GOLPH3: variants seen among roughly 807,000 people sequenced by gnomAD.
GOLPH3 encodes golgi phosphoprotein 3.
A neutral mutation model predicts 28.5 loss-of-function variants in GOLPH3; 14 were observed. The ratio of observed to expected loss-of-function variants is 0.49; its 90% confidence interval spans 0.32 to 0.77. The LOEUF (loss-of-function observed/expected upper bound fraction) is 0.77, where lower values mean the gene tolerates loss of function less well. GOLPH3 is among the 30% of genes least tolerant of loss of function. The pLI is 0.03. For missense variants in GOLPH3, 350 were observed against 393.7 expected (o/e 0.89, Z 0.94); for synonymous variants, 158 against 159.2 (o/e 0.99, Z 0.06).
intron 1 of GOLPH3, 134 bp downstream of exon 1, chr5:32,173,676 A>T: frequency 3.7e-6 from 2 of 544,682 alleles, no homozygotes; most frequent in Non-Finnish European, 5.5e-6. Context: ...GCTGGGCGCC[A>T]CCAGGCGCGG....
At chr5:32,159,061 T>C (rs1328263657) in intron 1 of GOLPH3, among the ~76,000 whole-genome samples, 4 of 152,186 alleles carry the variant, frequency 2.6e-5, no homozygotes. Context: ...GGGAATGAAA[T>C]TGGTCTGCCT....
At chr5:32,134,901 A>C (rs1369050211) in intron 3 of GOLPH3, 1 of 152,190 alleles carries the variant, frequency 6.6e-6, no homozygotes, top group Non-Finnish European at 1.5e-5. Flanking sequence ...AATTCTGCTT[A>C]TCTGTAAGAA....
At chr5:32,152,481 C>T (rs62361289) in intron 1 of GOLPH3, among the ~76,000 whole-genome samples, 74,485 of 140,680 alleles carry the variant, frequency 0.53, 21,401 homozygotes, top group Non-Finnish European at 0.63. Context: ...CCTATCAGAC[C>T]GGCAAAAATC....
chr5:32,173,688 C>A, intron 1 of GOLPH3, 122 bp downstream of exon 1: 1 of 641,552 alleles, frequency 1.6e-6, no homozygotes, highest in Non-Finnish European at 2.2e-6. Context: ...CAGGCGCGGA[C>A]TTCGGAGCGA....
At chr5:32,142,421 C>T (rs283130) in intron 2 of GOLPH3, among the ~76,000 whole-genome samples, 24,358 of 141,986 alleles carry the variant, frequency 0.17, 4,648 homozygotes, top group African/African-American at 0.48. Context: ...CCACCCCGTC[C>T]GGGAAGTGAG....
In GOLPH3 at chr5:32,174,316, A is replaced by C; in HGVS notation, c.-282T>G. On this transcript the variant is annotated 5_prime_UTR_variant, in exon 1 of 4. Transcript: ENST00000265070. ...CGGAGGCGGCGGCGGCGCCTTTCCAATATGGCGGCCCCGGCTGACGTCACC... is the reference window on the plus strand; with the variant it reads ...CGGAGGCGGCGGCGGCGCCTTTCCACTATGGCGGCCCCGGCTGACGTCACC... The C allele has an allele frequency of 2.7e-5, 8 of 293,868 alleles. No individual in the cohort carries two copies. Among genetic ancestry groups the C allele is most frequent in the African/African-American group, 4.4e-5 (2 of 45,762 alleles). 18.2% of individuals were successfully genotyped at this position (293,868 alleles called of 1,614,324 possible). A position where few individuals can be genotyped will look rare whatever the true frequency, so the allele number is the denominator to read the frequency against.
Position 32,142,473 on chromosome 5 carries a change from G to A in GOLPH3, c.357+1276C>T, listed in dbSNP as rs1201409063. Among the ~76,000 whole-genome samples, 9 of 149,074 alleles carry A rather than the reference G, an allele frequency of 6.0e-5. No individual in the cohort carries two copies. In the East Asian group the frequency reaches 1.2e-3, roughly 20 times the overall value. On this transcript the variant is annotated intron_variant, in intron 2 of 3. Transcript: ENST00000265070. ...CAGCCACCTCGTCCGGGAGGGAGGT[G>A]GGGGGGTCAGCCCCCCACCCAGCCA...
chr5:32,142,198 G>T (rs1352016568), intron 2 of GOLPH3, among the ~76,000 whole-genome samples: 1 of 151,468 alleles, frequency 6.6e-6, no homozygotes, highest in African/African-American at 2.4e-5. Context: ...TGGGAAGTGA[G>T]GAGCGTCTCT....
intron 1 of GOLPH3, among the ~76,000 whole-genome samples, chr5:32,170,822 T>A (rs1457400033): frequency 6.6e-6 from 1 of 151,428 alleles, no homozygotes; most frequent in Admixed American, 6.6e-5. Context: ...TATAGGCTAA[T>A]CCCTAAAACC....
intron 1 of GOLPH3, among the ~76,000 whole-genome samples, chr5:32,150,284 T>C (rs975318414): frequency 2.0e-5 from 3 of 152,010 alleles, no homozygotes; most frequent in Non-Finnish European, 4.4e-5. Flanking sequence ...ACTTGAATAA[T>C]AGAAAGATAT....
intron 2 of GOLPH3, among the ~76,000 whole-genome samples, chr5:32,142,137 G>A (rs1281203387): frequency 1.9e-4 from 29 of 150,602 alleles, no homozygotes; most frequent in Non-Finnish European, 3.7e-4. Context: ...CTGCCCGGCC[G>A]CCATCCCATC....
At chr5:32,132,136 ATGGCG>A (rs1745838465) in intron 3 of GOLPH3, among the ~76,000 whole-genome samples, 1 of 152,230 alleles carries the variant, frequency 6.6e-6, no homozygotes, top group African/African-American at 2.4e-5. Context: ...AGCCTGGGTG[ATGGCG>A]AGACTTTGTC....
chr5:32,158,929 G>A (rs1746514142), intron 1 of GOLPH3, among the ~76,000 whole-genome samples: 1 of 152,152 alleles, frequency 6.6e-6, no homozygotes, highest in South Asian at 2.1e-4. Context: ...ACTGTGTTAA[G>A]CATTCAGTGT....
At chr5:32,154,779 T>C (rs11747508) in intron 1 of GOLPH3, among the ~76,000 whole-genome samples, 5,487 of 152,178 alleles carry the variant, frequency 0.036, 194 homozygotes, top group East Asian at 0.18. Context: ...TGAAAACACA[T>C]AGGATTATCT....
chr5:32,126,391 T>C lies in GOLPH3; in HGVS notation c.718A>G (p.Ile240Val), dbSNP rs1046475151. ...ACGTCCGAGGCATGAGCCAGGTAAA[T>C]GAGGGCCAGCAAGCGCCTGTCCATG... ...HRMDRRLLALIYLAHASDVLE... is the reference protein window; with the variant it reads ...HRMDRRLLALVYLAHASDVLE... Residue 240 changes from isoleucine (I) to valine (V), a missense_variant, in exon 4 of 4, where the codon ATT becomes GTT. Ile to Val is a conservative substitution (Grantham distance 29). Coordinates refer to ENST00000265070, the MANE Select transcript of GOLPH3 (RefSeq NM_022130.4). 1.9e-6 allele frequency: 3 copies of C among 1,614,010 alleles called. No homozygotes were observed. Among genetic ancestry groups the C allele is most frequent in the East Asian group, 2.2e-5 (1 of 44,880 alleles).
intron 2 of GOLPH3, among the ~76,000 whole-genome samples, chr5:32,139,325 AAC>A (rs533072097): frequency 1.3e-3 from 199 of 151,914 alleles, no homozygotes; most frequent in African/African-American, 4.6e-3. Context: ...GTTATATGCA[AAC>A]ACTACAACAT....
intron 3 of GOLPH3, among the ~76,000 whole-genome samples, 184 bp downstream of exon 3, chr5:32,135,388 A>C (rs552371023): frequency 7.2e-5 from 11 of 152,350 alleles, no homozygotes; most frequent in Non-Finnish European, 1.3e-4. Context: ...TCTGTTCAGT[A>C]TTGTTAAAGA....
At chr5:32,146,840 A>G (rs1030498660) in intron 1 of GOLPH3, among the ~76,000 whole-genome samples, 5 of 152,162 alleles carry the variant, frequency 3.3e-5, no homozygotes, top group Admixed American at 6.5e-5. Flanking sequence ...TCCCTGGGCC[A>G]TACTGGAAGA....
intron 2 of GOLPH3, among the ~76,000 whole-genome samples, chr5:32,140,683 T>C (rs1422428995): frequency 1.4e-5 from 2 of 146,626 alleles, no homozygotes; most frequent in East Asian, 4.0e-4. Context: ...AAAAAAAAAT[T>C]AGCCAGACAT....
Sources: gnomAD v4.1 joint callset for allele counts (sites outside exome capture counted in the v4.1 genomes callset) on GRCh38, gnomAD v4.1.1 for gene constraint, MANE v1.5 for transcripts, NCBI Gene and HGNC (gene_info 2026-07-23, HGNC 2026-07-21) for gene names.